Variants in WASF1 observed in about 807,000 individuals in gnomAD.
WASF1 encodes WASP family member 1.
In WASF1, 7 loss-of-function variants were observed where a neutral mutation model predicts 50.5. That is an observed-to-expected ratio of 0.14 (90% CI 0.08 to 0.26). The LOEUF is 0.26. WASF1 is among the 10% of genes least tolerant of loss of function. WASF1 has a pLI of 1.00. For synonymous variants in WASF1, 205 were observed against 244.0 expected (o/e 0.84, Z 1.49); for missense variants, 470 against 694.7 (o/e 0.68, Z 3.64).
chr6:110,167,894 A>T (rs1776542270), intron 2 of WASF1, among the ~76,000 whole-genome samples: 1 of 151,980 alleles, frequency 6.6e-6, no homozygotes. Flanking sequence ...AACCAAAACA[A>T]ATATTTGTTT....
At chr6:110,144,455 C>T (rs1241305767) in intron 3 of WASF1, among the ~76,000 whole-genome samples, 2 of 152,166 alleles carry the variant, frequency 1.3e-5, no homozygotes, top group Non-Finnish European at 2.9e-5. Flanking sequence ...TGTGCAGAAG[C>T]TCTTTAGTTT....
At chr6:110,104,253 C>T (rs957415547) in intron 8 of WASF1, among the ~76,000 whole-genome samples, 20 of 152,084 alleles carry the variant, frequency 1.3e-4, no homozygotes, top group South Asian at 4.1e-4. Flanking sequence ...GATGTGCACA[C>T]AGCAAGTCAG....
chr6:110,140,079 A>G (rs1775157257), intron 3 of WASF1, among the ~76,000 whole-genome samples: 1 of 152,172 alleles, frequency 6.6e-6, no homozygotes, highest in Non-Finnish European at 1.5e-5. Context: ...AGACAAATGC[A>G]TGATTAGAGG....
chr6:110,128,880 G>T (rs971636931), intron 3 of WASF1, among the ~76,000 whole-genome samples: 1 of 152,156 alleles, frequency 6.6e-6, no homozygotes, highest in Non-Finnish European at 1.5e-5. Context: ...GGCCTATTGT[G>T]AACTGCACAC....
chr6:110,118,820 G>T (rs1454262926), intron 4 of WASF1, among the ~76,000 whole-genome samples: 2 of 152,120 alleles, frequency 1.3e-5, no homozygotes, highest in Non-Finnish European at 2.9e-5. Flanking sequence ...AAATGTAAAA[G>T]AACAGAAATC....
At chr6:110,111,037 AATTT>A (rs375952584) in intron 5 of WASF1, among the ~76,000 whole-genome samples, 27 of 152,206 alleles carry the variant, frequency 1.8e-4, no homozygotes, top group African/African-American at 5.8e-4. Flanking sequence ...CAAACATCTT[AATTT>A]ATTTACTGTT....
chr6:110,124,288 A>C (rs1386590165), intron 4 of WASF1, among the ~76,000 whole-genome samples: 35 of 95,956 alleles, frequency 3.6e-4, no homozygotes, highest in African/African-American at 8.5e-4. Flanking sequence ...ATATATATAT[A>C]TATATATATA....
intron 2 of WASF1, among the ~76,000 whole-genome samples, chr6:110,177,692 CTTATA>C (rs1475335420): frequency 5.9e-5 from 9 of 152,066 alleles, no homozygotes; most frequent in East Asian, 1.9e-4. Flanking sequence ...ACACCATCAA[CTTATA>C]TTATATGTAC....
chr6:110,162,590 G>A (rs1400806269), intron 2 of WASF1, among the ~76,000 whole-genome samples: 1 of 151,308 alleles, frequency 6.6e-6, no homozygotes, highest in East Asian at 1.9e-4. Flanking sequence ...TCCTAGATAT[G>A]CAAGGCTGGT....
At chr6:110,167,764 A>T (rs1042821793) in intron 2 of WASF1, among the ~76,000 whole-genome samples, 2 of 152,070 alleles carry the variant, frequency 1.3e-5, no homozygotes, top group Non-Finnish European at 2.9e-5. Context: ...AAATAGAAAC[A>T]ACATAATTAA....
intron 3 of WASF1, among the ~76,000 whole-genome samples, chr6:110,150,757 TG>T (rs1232292035): frequency 6.6e-6 from 1 of 152,196 alleles, no homozygotes; most frequent in Admixed American, 6.5e-5. Flanking sequence ...GTAAAAGGGC[TG>T]GGCACAGTGG....
intron 2 of WASF1, among the ~76,000 whole-genome samples, chr6:110,168,774 A>G (rs1776577140): frequency 6.6e-6 from 1 of 152,052 alleles, no homozygotes; most frequent in African/African-American, 2.4e-5. Flanking sequence ...AGTTCTGCCT[A>G]TGAGATCTCC....
rs1776224320 is a variant in WASF1 at position 110,160,615 on chromosome 6, A to G, written c.-29+20T>C. 6.6e-6 allele frequency: 1 copy of G among 151,766 alleles called. No individual in the cohort carries two copies. Among genetic ancestry groups the G allele is most frequent in the Non-Finnish European group, 1.5e-5 (1 of 67,774 alleles). The allele number at this position is 151,766 out of a possible 1,614,324, so 9.4% of individuals were successfully genotyped here. On this transcript the variant is annotated intron_variant, in intron 3 of 10. Transcript: ENST00000392589. ...TGCTATCAGGAGTTGCCATTGAGATACATTACTTCTTAATTTTACCTTGAA... is the reference window on the plus strand; with the variant it reads ...TGCTATCAGGAGTTGCCATTGAGATGCATTACTTCTTAATTTTACCTTGAA...
At chr6:110,111,994 G>A (rs1278289224) in intron 5 of WASF1, among the ~76,000 whole-genome samples, 12 of 150,872 alleles carry the variant, frequency 8.0e-5, no homozygotes, top group African/African-American at 2.9e-4. Context: ...TTTTCTTCTT[G>A]TATCCAGAGC....
intron 2 of WASF1, among the ~76,000 whole-genome samples, chr6:110,178,316 T>C (rs1270718487): frequency 1.3e-5 from 2 of 152,174 alleles, no homozygotes; most frequent in Non-Finnish European, 2.9e-5. Flanking sequence ...ACTTAGAGCA[T>C]AAAGGATAAA....
At chr6:110,120,434 C>T (rs941682579) in intron 4 of WASF1, among the ~76,000 whole-genome samples, 1 of 152,152 alleles carries the variant, frequency 6.6e-6, no homozygotes, top group Non-Finnish European at 1.5e-5. Flanking sequence ...CTCCCATTCA[C>T]AATTACTACA....
chr6:110,128,442 G>A (rs369161462), intron 3 of WASF1, among the ~76,000 whole-genome samples: 115 of 152,258 alleles, frequency 7.6e-4, no homozygotes, highest in Non-Finnish European at 1.3e-3. Flanking sequence ...AATGTATCAG[G>A]TGTTCAAAAG....
At chr6:110,137,696 A>C (rs980954184) in intron 3 of WASF1, among the ~76,000 whole-genome samples, 5 of 152,192 alleles carry the variant, frequency 3.3e-5, no homozygotes, top group Admixed American at 3.3e-4. Context: ...GACCTTTCTC[A>C]CACAAAGACT....
rs1364078492 is a variant in WASF1 at position 110,157,707 on chromosome 6, C to T, written c.-29+2928G>A. Among the ~76,000 whole-genome samples the T allele has an allele frequency of 2.1e-4, 3 of 14,342 alleles. No homozygotes were observed. In the East Asian group the frequency reaches 7.4e-3, roughly 35 times the overall value. The allele number at this position is 14,342 out of a possible 152,430, so 9.4% of individuals were successfully genotyped here. ...GGCTGTGGGTTTGTCATAGATAGCT[C>T]TTATTATTTTGAAATACGTCCCATC... On this transcript the variant is annotated intron_variant, in intron 3 of 10. Transcript: ENST00000392589.
Sources: gnomAD v4.1 joint callset for allele counts (sites outside exome capture counted in the v4.1 genomes callset) on GRCh38, gnomAD v4.1.1 for gene constraint, MANE v1.5 for transcripts, NCBI Gene and HGNC (gene_info 2026-07-23, HGNC 2026-07-21) for gene names.